The following PALD1 variants were observed in gnomAD, a reference collection of about 807,000 sequenced individuals.
The protein encoded by PALD1 is paladin.
Under a neutral mutation model 96.0 loss-of-function variants are expected in PALD1, and 57 were observed. The ratio of observed to expected loss-of-function variants is 0.59; its 90% CI spans 0.48 to 0.74. The LOEUF is 0.74. Among genes scored for constraint, PALD1 ranks in the 30% least tolerant of loss-of-function variants. The probability of loss-of-function intolerance (pLI) is 0.00; values close to 1 mark genes in which losing one functional copy is unlikely to be tolerated. For missense variants in PALD1, 1,063 were observed against 1,143.7 expected (o/e 0.93, Z 1.02); for synonymous variants, 464 against 473.6 (o/e 0.98, Z 0.26).
intron 11 of PALD1, 120 bp downstream of exon 11, chr10:70,538,026 G>C (rs1324513911): frequency 1.2e-6 from 1 of 827,090 alleles, no homozygotes; most frequent in African/African-American, 1.7e-5. Context: ...GGGAAGGGAG[G>C]CCAGGAGAGA....
rs1003344585 is a variant in PALD1 at position 70,540,630 on chromosome 10, C to T, written c.1909-472C>T. 6.6e-6 allele frequency among the ~76,000 whole-genome samples: 1 copy of T among 152,146 alleles called. No individual in the cohort carries two copies. The highest frequency in any genetic ancestry group is 1.5e-5 in the Non-Finnish European group (1 of 68,014). Reference sequence around the variant, plus strand: ...TGCCTGAGCCCCTCCTGGCGCATCTCTTCGCGGCTCTCACTGCCTGCGGTC... The same window carrying T: ...TGCCTGAGCCCCTCCTGGCGCATCTTTTCGCGGCTCTCACTGCCTGCGGTC... On this transcript the variant is annotated intron_variant, in intron 15 of 19. Transcript: ENST00000263563. This position sits in a 1 kb window ranked among gnomAD's most constrained non-coding sequence, Gnocchi z 4.2.
rs375425926 is a variant in PALD1 at position 70,561,628 on chromosome 10, C to T, written c.2263-2736C>T. Among the ~76,000 whole-genome samples, 30 of 152,306 alleles carry T rather than the reference C, an allele frequency of 2.0e-4. No homozygotes were observed. The South Asian group carries it at 4.3e-3, about 22-fold the overall frequency. ...TTCTGTGGCAGCCATGGGCCATTCC[C>T]GCCCTCAAATCCCCAGAAACCCTCA... On this transcript the variant is annotated intron_variant, in intron 18 of 19. Transcript: ENST00000263563.
the PALD1 span, among the ~76,000 whole-genome samples, chr10:70,462,215 A>G: frequency 1.1e-4 from 16 of 152,352 alleles, no homozygotes; most frequent in African/African-American, 3.6e-4. Flanking sequence ...AATGACTAGT[A>G]GGGAAACTGA....
intron 18 of PALD1, among the ~76,000 whole-genome samples, chr10:70,561,453 C>A (rs911148957): frequency 1.3e-4 from 20 of 152,182 alleles, no homozygotes; most frequent in Admixed American, 1.1e-3. Flanking sequence ...GGGTGGAGAG[C>A]GGCCAGTTGC....
chr10:70,473,892 C>CG (rs1491229569), upstream of PALD1, among the ~76,000 whole-genome samples: 29 of 2,956 alleles, frequency 9.8e-3, no homozygotes, highest in African/African-American at 0.014. Flanking sequence ...AGGTGATCCA[C>CG]CCCCCCCCCC....
Position 70,539,635 on chromosome 10 carries a change from GC to G in PALD1, c.1786del (p.Leu596Ter). On this transcript the variant is annotated frameshift_variant, in exon 15 of 20. Transcript: ENST00000263563. LOFTEE classifies it high-confidence loss of function. This position sits in a 1 kb window ranked among gnomAD's most constrained non-coding sequence, Gnocchi z 4.5. ...HLSEPPPGKE[G>X]PLTYRFQTCL... is the part of the protein sequence containing the mutation. ...AGCGAGCCTCCCCCAGGCAAGGAGG[GC>G]CCCCTGACCTACAGGTTCCAGACCT... 6.2e-7 allele frequency: 1 copy of G among 1,613,514 alleles called. No homozygotes were observed. Among genetic ancestry groups the G allele is most frequent in the Non-Finnish European group, 8.5e-7 (1 of 1,179,724 alleles).
intron 17 of PALD1, among the ~76,000 whole-genome samples, chr10:70,546,919 C>T (rs1186844770): frequency 6.6e-6 from 1 of 152,158 alleles, no homozygotes; most frequent in Non-Finnish European, 1.5e-5. Context: ...CCACTGCACT[C>T]CTGCCTGGAT....
intron 1 of PALD1, among the ~76,000 whole-genome samples, chr10:70,500,679 G>T (rs1846276741): frequency 6.6e-6 from 1 of 152,204 alleles, no homozygotes. Flanking sequence ...GAAAGGTGCT[G>T]GAGTCCCTGC....
chr10:70,489,283 G>C (rs1846064075), intron 1 of PALD1, among the ~76,000 whole-genome samples: 1 of 152,166 alleles, frequency 6.6e-6, no homozygotes, highest in Non-Finnish European at 1.5e-5. Flanking sequence ...GCAGCCAGTG[G>C]GGTCCCAGGT....
chr10:70,548,729 T>C (rs1847419088), intron 18 of PALD1, among the ~76,000 whole-genome samples: 1 of 152,250 alleles, frequency 6.6e-6, no homozygotes, highest in Non-Finnish European at 1.5e-5. Flanking sequence ...GCCAGCCCTA[T>C]GCTCGGCTGT....
At position 70,558,810 on chromosome 10, in the gene PALD1, G is replaced by A. The variant is rs149238593; in HGVS notation, c.2263-5554G>A. On this transcript the variant is annotated intron_variant, in intron 18 of 19. Coordinates refer to ENST00000263563, the MANE Select transcript of PALD1 (RefSeq NM_014431.3). ...GAGAAAGTATGAAAATACATTGCAA[G>A]GGTGCAGTGGGCAAGTTAGCAAGAG... Among the ~76,000 whole-genome samples, 871 of 152,294 alleles carry A rather than the reference G, an allele frequency of 5.7e-3. 10 individuals are homozygous for A. The highest frequency in any genetic ancestry group is 0.019 in the African/African-American group (777 of 41,558).
intron 2 of PALD1, among the ~76,000 whole-genome samples, chr10:70,526,511 C>T (rs1846871701): frequency 6.6e-6 from 1 of 152,206 alleles, no homozygotes; most frequent in Admixed American, 6.5e-5. Flanking sequence ...AATTATGGCT[C>T]AAAACTGAGG....
Position 70,537,886 on chromosome 10 carries a change from A to G in PALD1, c.1303A>G (p.Asn435Asp), listed in dbSNP as rs983198256. The change falls in exon 11 of 20, where the codon AAC becomes GAC. Residue 435 changes from asparagine (N) to aspartate (D), a missense_variant. Transcript: ENST00000263563. ...LERYFYLILF[N>D]YYLHEQYPLA... The stretch of plus-strand genomic sequence containing the variant: ...GCGATACTTCTACCTGATCCTGTTT[A>G]ACTACTACCTTCATGAGCAGGTGGG... 3.1e-6 allele frequency: 5 copies of G among 1,612,272 alleles called. No individual in the cohort carries two copies. Among genetic ancestry groups the G allele is most frequent in the Non-Finnish European group, 4.2e-6 (5 of 1,178,518 alleles).
At chr10:70,475,448 A>G (rs1437003075), upstream of PALD1, among the ~76,000 whole-genome samples, 5 of 152,172 alleles carry the variant, frequency 3.3e-5, no homozygotes, top group African/African-American at 1.2e-4. Flanking sequence ...TGAAGGGTGC[A>G]CATGATCCCT....
At chr10:70,463,111 A>G in the PALD1 span, among the ~76,000 whole-genome samples, 1 of 152,198 alleles carries the variant, frequency 6.6e-6, no homozygotes, top group East Asian at 1.9e-4. Context: ...GTGAATCAAA[A>G]AACAAAAAAT....
intron 1 of PALD1, among the ~76,000 whole-genome samples, chr10:70,489,100 G>A (rs76887155): frequency 0.013 from 1,913 of 152,236 alleles, 37 homozygotes; most frequent in African/African-American, 0.044. Context: ...AGGGACCCTT[G>A]GGGAGTTGCC....
intron 1 of PALD1, among the ~76,000 whole-genome samples, chr10:70,506,284 C>T (rs1402454741): frequency 6.6e-6 from 1 of 152,218 alleles, no homozygotes; most frequent in Non-Finnish European, 1.5e-5. Flanking sequence ...GGGCTGCTGC[C>T]TTGTTCTACT....
the PALD1 span, among the ~76,000 whole-genome samples, chr10:70,461,309 C>T: frequency 2.6e-5 from 4 of 152,196 alleles, no homozygotes; most frequent in African/African-American, 9.6e-5. Flanking sequence ...GCCTTCCCCA[C>T]GAACCCCTGT....
In PALD1 at chr10:70,534,730, T is replaced by C. The variant is rs1231132129; in HGVS notation, c.1123-9T>C. 1.9e-6 allele frequency: 3 copies of C among 1,561,872 alleles called. No homozygotes were observed. Among genetic ancestry groups the C allele is most frequent in the South Asian group, 1.1e-5 (1 of 88,598 alleles). On this transcript the variant is annotated splice_polypyrimidine_tract_variant and intron_variant, in intron 9 of 19. Coordinates refer to ENST00000263563, the MANE Select transcript of PALD1 (RefSeq NM_014431.3). ...CCTCCCTCTTACTTGCCTTGGTCTC[T>C]GGCACCAGGTGGACAGAGCCATCAC...
Sources: allele counts gnomAD v4.1 joint callset (sites outside exome capture counted in the v4.1 genomes callset), GRCh38; gene constraint gnomAD v4.1.1; non-coding constraint Gnocchi (gnomAD v3.1); transcripts MANE v1.5; gene names NCBI Gene and HGNC (gene_info 2026-07-23, HGNC 2026-07-21).